Variants in JAKMIP1 observed in about 807,000 individuals in gnomAD.
JAKMIP1 encodes janus kinase and microtubule-interacting protein 1.
Under a neutral mutation model 113.0 loss-of-function variants are expected in JAKMIP1, and 33 were observed. The ratio of observed to expected loss-of-function variants is 0.29; its 90% CI spans 0.22 to 0.39. JAKMIP1 has a LOEUF of 0.39. Among genes scored for constraint, JAKMIP1 ranks in the 10% least tolerant of loss-of-function variants. The pLI is 1.00. For missense variants in JAKMIP1, 813 were observed against 1,080.5 expected (o/e 0.75, Z 3.47); for synonymous variants, 480 against 459.9 (o/e 1.04, Z -0.56).
In JAKMIP1 at chr4:6,069,896, C is replaced by T. The variant is rs938714646; in HGVS notation, c.1303-4888G>A. On this transcript the variant is annotated intron_variant, in intron 8 of 20. Transcript: ENST00000409021. The surrounding 1 kb of genome is among the most constrained non-coding windows in gnomAD (Gnocchi z 4.5). ...GGAAAAAGAGGAGGTACCCCCAAAA[C>T]AAATAGCCCCCCAACCAGATCCAGT... Among the ~76,000 whole-genome samples, 9 of 152,010 alleles carry T rather than the reference C, an allele frequency of 5.9e-5. No homozygotes were observed. The highest frequency in any genetic ancestry group is 4.6e-4 in the Admixed American group (7 of 15,256).
At chr4:6,133,747 G>A (rs1032471468) in intron 1 of JAKMIP1, among the ~76,000 whole-genome samples, 1 of 152,182 alleles carries the variant, frequency 6.6e-6, no homozygotes, top group African/African-American at 2.4e-5. Flanking sequence ...TGGCAAATCT[G>A]CCACACAGTT....
intron 19 of JAKMIP1, among the ~76,000 whole-genome samples, chr4:6,032,782 T>C (rs1389551828): frequency 6.6e-6 from 1 of 152,174 alleles, no homozygotes; most frequent in Non-Finnish European, 1.5e-5. Context: ...GAAGGGGCTC[T>C]AGAGGGCTTC....
rs956847605 is a variant in JAKMIP1, at chr4:6,076,594, G to A, written c.1302+2345C>T. Among the ~76,000 whole-genome samples the A allele has an allele frequency of 1.1e-4, 16 of 152,152 alleles. No homozygotes were observed. Among genetic ancestry groups the A allele is most frequent in the Admixed American group, 5.2e-4 (8 of 15,278 alleles). ...CTGCAGTAAAGGCCACCAGGAGGCAGCCTGGGAGCCAAATTGCACCCATAG... is the reference window on the plus strand; with the variant it reads ...CTGCAGTAAAGGCCACCAGGAGGCAACCTGGGAGCCAAATTGCACCCATAG... On this transcript the variant is annotated intron_variant, in intron 8 of 20. Coordinates refer to ENST00000409021, the MANE Select transcript of JAKMIP1 (RefSeq NM_001099433.2). The surrounding 1 kb of genome is among the most constrained non-coding windows in gnomAD (Gnocchi z 4.8).
rs1240699665 is a variant in JAKMIP1, at chr4:6,199,155, A to C, written c.-148+1098T>G. On this transcript the variant is annotated intron_variant, in intron 1 of 20. Coordinates refer to ENST00000409021, the MANE Select transcript of JAKMIP1 (RefSeq NM_001099433.2). This position sits in a 1 kb window ranked among gnomAD's most constrained non-coding sequence, Gnocchi z 5.6. ...AGCACAGCACTGGCAAAGGCCAAGG[A>C]CAGTGTGCCTGCGAGTGTGCGCAGA... Among the ~76,000 whole-genome samples the C allele has an allele frequency of 6.6e-6, 1 of 152,262 alleles. No individual in the cohort carries two copies. Among genetic ancestry groups the C allele is most frequent in the Non-Finnish European group, 1.5e-5 (1 of 68,042 alleles).
intron 1 of JAKMIP1, among the ~76,000 whole-genome samples, chr4:6,119,724 G>T (rs1276272613): frequency 6.6e-6 from 1 of 152,210 alleles, no homozygotes; most frequent in African/African-American, 2.4e-5. Context: ...CGGCTGAACA[G>T]GGCTGCTCAC....
At position 6,199,049 on chromosome 4, in the gene JAKMIP1, T is replaced by C. The variant is rs961190517; in HGVS notation, c.-148+1204A>G. On this transcript the variant is annotated intron_variant, in intron 1 of 20. Coordinates refer to ENST00000409021, the MANE Select transcript of JAKMIP1 (RefSeq NM_001099433.2). This position sits in a 1 kb window ranked among gnomAD's most constrained non-coding sequence, Gnocchi z 5.6. Reference sequence around the variant, plus strand: ...ACAGCATCCTGGGACAGCGCCACGTTCCAGGAAAGCTCAGGAGGGGCAAGG... The same window carrying C: ...ACAGCATCCTGGGACAGCGCCACGTCCCAGGAAAGCTCAGGAGGGGCAAGG... 6.6e-6 allele frequency among the ~76,000 whole-genome samples: 1 copy of C among 152,216 alleles called. No homozygotes were observed. Among genetic ancestry groups the C allele is most frequent in the African/African-American group, 2.4e-5 (1 of 41,460 alleles).
chr4:6,100,918 T>G (rs1712910197), intron 3 of JAKMIP1, among the ~76,000 whole-genome samples: 1 of 152,206 alleles, frequency 6.6e-6, no homozygotes, highest in South Asian at 2.1e-4. Context: ...GTTTTCATAT[T>G]ATTTTATAGT....
chr4:6,124,174 G>C (rs958923463), intron 1 of JAKMIP1, among the ~76,000 whole-genome samples: 1 of 152,156 alleles, frequency 6.6e-6, no homozygotes, highest in African/African-American at 2.4e-5. Context: ...AATGGGGGTG[G>C]GCCGTGCGGA....
At chr4:6,171,525 A>G (rs1428892432) in intron 1 of JAKMIP1, among the ~76,000 whole-genome samples, 2 of 152,174 alleles carry the variant, frequency 1.3e-5, no homozygotes, top group Non-Finnish European at 2.9e-5. Flanking sequence ...ACATCAGCCT[A>G]GTGGAAAGGT....
In JAKMIP1 at chr4:6,158,507, C is replaced by A. The variant is rs568810324; in HGVS notation, c.-148+41746G>T. 1.6e-4 allele frequency among the ~76,000 whole-genome samples: 24 copies of A among 152,166 alleles called. No homozygotes were observed. The highest frequency in any genetic ancestry group is 1.2e-3 in the Admixed American group (18 of 15,280). On this transcript the variant is annotated intron_variant, in intron 1 of 20. Transcript: ENST00000409021. This position sits in a 1 kb window ranked among gnomAD's most constrained non-coding sequence, Gnocchi z 5.3. Reference sequence around the variant, plus strand: ...TTTGGAGTAAAATAAAGGGCTGGGGCTTGGGTTTGAAGTCACAGGTGGAAC... The same window carrying A: ...TTTGGAGTAAAATAAAGGGCTGGGGATTGGGTTTGAAGTCACAGGTGGAAC...
At position 6,199,963 on chromosome 4, in the gene JAKMIP1, C is replaced by G. The variant is rs1181306084; in HGVS notation, c.-148+290G>C. Among the ~76,000 whole-genome samples the G allele has an allele frequency of 7.2e-6, 1 of 139,132 alleles. No homozygotes were observed. Among genetic ancestry groups the G allele is most frequent in the Non-Finnish European group, 1.6e-5 (1 of 64,476 alleles). 91.3% of individuals were successfully genotyped at this position (139,132 alleles called of 152,430 possible). On this transcript the variant is annotated intron_variant, in intron 1 of 20. Coordinates refer to ENST00000409021, the MANE Select transcript of JAKMIP1 (RefSeq NM_001099433.2). This position sits in a 1 kb window ranked among gnomAD's most constrained non-coding sequence, Gnocchi z 5.6. The stretch of plus-strand genomic sequence containing the variant: ...GGAGAGCTGGGGGCTGGGGGCGGGA[C>G]CGGGAGGGGGTGTTGGGGGAAGCGA...
In JAKMIP1 at chr4:6,139,539, A is replaced by G. The variant is rs1408145348; in HGVS notation, c.-147-26542T>C. Among the ~76,000 whole-genome samples, 1 of 152,108 alleles carries G rather than the reference A, an allele frequency of 6.6e-6. No individual in the cohort carries two copies. Among genetic ancestry groups the G allele is most frequent in the Non-Finnish European group, 1.5e-5 (1 of 68,038 alleles). ...CCCCAGCACTTTGGGAGGCTGAGGCAGGCGGATCACAAAGTCAGGAGTTCG... is the reference window on the plus strand; with the variant it reads ...CCCCAGCACTTTGGGAGGCTGAGGCGGGCGGATCACAAAGTCAGGAGTTCG... On this transcript the variant is annotated intron_variant, in intron 1 of 20. Transcript: ENST00000409021. This position sits in a 1 kb window ranked among gnomAD's most constrained non-coding sequence, Gnocchi z 5.2.
rs78279843 is a variant in JAKMIP1 at position 6,083,966 on chromosome 4, T to G, written c.954+880A>C. On this transcript the variant is annotated intron_variant, in intron 5 of 20. Coordinates refer to ENST00000409021, the MANE Select transcript of JAKMIP1 (RefSeq NM_001099433.2). ...TAGTTTACAAGTATATAAAATTTTATGCAAAAAAGTAAATACATAAGCACA... is the reference window on the plus strand; with the variant it reads ...TAGTTTACAAGTATATAAAATTTTAGGCAAAAAAGTAAATACATAAGCACA... Among the ~76,000 whole-genome samples the G allele has an allele frequency of 1.5e-3, 235 of 152,288 alleles. 5 individuals are homozygous for G. In the East Asian group the frequency reaches 0.034, roughly 22 times the overall value.
intron 4 of JAKMIP1, 60 bp from the exon 5 acceptor site, chr4:6,085,025 G>T (rs10516179): frequency 0.11 from 161,360 of 1,454,616 alleles, 9,459 homozygotes; most frequent in Non-Finnish European, 0.12. Context: ...TGAAGAAGTT[G>T]TGTGGAGCCT....
chr4:6,037,349 A>ATG (rs1713631950), intron 18 of JAKMIP1, among the ~76,000 whole-genome samples: 2 of 116,316 alleles, frequency 1.7e-5, no homozygotes, highest in South Asian at 2.6e-4. Flanking sequence ...AGGTTAACCC[A>ATG]GTAGCCCTCC....
rs921312915 is a variant in JAKMIP1 at position 6,139,506 on chromosome 4, G to A, written c.-147-26509C>T. ...AATGGGGCTGGTCGTGGTGGCTCAC[G>A]CCTGTAACCCCAGCACTTTGGGAGG... On this transcript the variant is annotated intron_variant, in intron 1 of 20. Transcript: ENST00000409021. This position sits in a 1 kb window ranked among gnomAD's most constrained non-coding sequence, Gnocchi z 5.2. Among the ~76,000 whole-genome samples, 3 of 152,084 alleles carry A rather than the reference G, an allele frequency of 2.0e-5. No individual in the cohort carries two copies. Among genetic ancestry groups the A allele is most frequent in the East Asian group, 1.9e-4 (1 of 5,184 alleles).
rs557871910 is a variant in JAKMIP1, at chr4:6,035,932, C to T, written c.2351G>A (p.Arg784His). Reference sequence around the variant, plus strand: ...CTGGGCCTGCTGCAGCAGCTCCATGCGCTCCCGCAGGATCTGGCTGTCGAA... The same window carrying T: ...CTGGGCCTGCTGCAGCAGCTCCATGTGCTCCCGCAGGATCTGGCTGTCGAA... ...REFDSQILRE[R>H]MELLQQAQQR... The change falls in exon 19 of 21, where the codon CGC (arginine) becomes CAC (histidine). Residue 784 changes from arginine to histidine, a missense_variant. Physicochemically the swap from Arg to His is conservative, Grantham distance 29. Coordinates refer to ENST00000409021, the MANE Select transcript of JAKMIP1 (RefSeq NM_001099433.2). 10 of 1,550,928 alleles carry T rather than the reference C, an allele frequency of 6.4e-6. No homozygotes were observed. The highest frequency in any genetic ancestry group is 1.4e-5 in the African/African-American group (1 of 73,182).
At chr4:6,148,240 C>T (rs74373125) in intron 1 of JAKMIP1, among the ~76,000 whole-genome samples, 4,463 of 152,302 alleles carry the variant, frequency 0.029, 164 homozygotes, top group African/African-American at 0.091. Context: ...GGCTGTGGTG[C>T]GTCTGTTTCA....
At chr4:6,159,107 T>TA (rs1246407588) in intron 1 of JAKMIP1, among the ~76,000 whole-genome samples, 1 of 146,810 alleles carries the variant, frequency 6.8e-6, no homozygotes, top group Non-Finnish European at 1.5e-5. Flanking sequence ...AAAAAATTAA[T>TA]AAAAAACCAC....
Sources: allele counts gnomAD v4.1 joint callset (sites outside exome capture counted in the v4.1 genomes callset), GRCh38; gene constraint gnomAD v4.1.1; non-coding constraint Gnocchi (gnomAD v3.1); transcripts MANE v1.5; gene names NCBI Gene and HGNC (gene_info 2026-07-23, HGNC 2026-07-21).